FBLN7: variants seen among roughly 807,000 people sequenced by gnomAD.
FBLN7 encodes fibulin 7.
A neutral mutation model predicts 44.0 loss-of-function variants in FBLN7; 31 were observed. That is an observed-to-expected ratio of 0.70 (90% confidence interval 0.53 to 0.95). The LOEUF (loss-of-function observed/expected upper bound fraction) is 0.95. FBLN7 is among the 40% of genes least tolerant of loss of function. FBLN7 has a pLI of 0.00. For missense variants in FBLN7, 573 were observed against 618.5 expected (o/e 0.93, Z 0.78); for synonymous variants, 262 against 253.4 (o/e 1.03, Z -0.32).
chr2:112,233,504 C>T, the FBLN7 span: 1 of 639,192 alleles, frequency 1.6e-6, no homozygotes, highest in Non-Finnish European at 2.8e-6. Flanking sequence ...CACATTCTAA[C>T]TGTTAATAAA....
chr2:112,219,478 C>T, the FBLN7 span, among the ~76,000 whole-genome samples: 1 of 152,146 alleles, frequency 6.6e-6, no homozygotes, highest in Non-Finnish European at 1.5e-5. Context: ...CTATAAAGCT[C>T]ATAGAGGAAA....
intron 6 of FBLN7, among the ~76,000 whole-genome samples, chr2:112,183,353 C>T (rs1362508745): frequency 6.6e-6 from 1 of 152,176 alleles, no homozygotes; most frequent in East Asian, 1.9e-4. Flanking sequence ...CAGCACCTTA[C>T]AGGCACTTAT....
intron 1 of FBLN7, among the ~76,000 whole-genome samples, chr2:112,156,594 C>T (rs1395340660): frequency 6.6e-6 from 1 of 152,160 alleles, no homozygotes; most frequent in Admixed American, 6.5e-5. Context: ...CGGTGCTGGG[C>T]AGGTACGGGG....
chr2:112,192,363 C>T (rs1228568086), downstream of FBLN7, among the ~76,000 whole-genome samples: 1 of 152,168 alleles, frequency 6.6e-6, no homozygotes, highest in Non-Finnish European at 1.5e-5. Flanking sequence ...ATCTGCCCCA[C>T]CCACCAAACC....
chr2:112,144,020 T>C (rs1045785428), intron 1 of FBLN7, among the ~76,000 whole-genome samples: 1 of 152,248 alleles, frequency 6.6e-6, no homozygotes, highest in Non-Finnish European at 1.5e-5. Flanking sequence ...TCACAAAATA[T>C]CTTTTATTAT....
chr2:112,196,238 C>G, the FBLN7 span, among the ~76,000 whole-genome samples: 21 of 152,112 alleles, frequency 1.4e-4, no homozygotes, highest in African/African-American at 5.1e-4. Flanking sequence ...TGACTCAGGG[C>G]AGAAAGGGAG....
At chr2:112,220,934 A>G in the FBLN7 span, among the ~76,000 whole-genome samples, 1 of 152,176 alleles carries the variant, frequency 6.6e-6, no homozygotes, top group Non-Finnish European at 1.5e-5. Flanking sequence ...ATCCGTCATG[A>G]GGATGATCTT....
intron 1 of FBLN7, among the ~76,000 whole-genome samples, chr2:112,155,817 T>C (rs1681385213): frequency 6.6e-6 from 1 of 152,158 alleles, no homozygotes; most frequent in South Asian, 2.1e-4. Context: ...AGCGGCCAAG[T>C]AGAAGACAAG....
intron 1 of FBLN7, among the ~76,000 whole-genome samples, chr2:112,149,712 A>C (rs1174175098): frequency 6.6e-6 from 1 of 152,222 alleles, no homozygotes; most frequent in Non-Finnish European, 1.5e-5. Flanking sequence ...AACTGCCTGA[A>C]ACCTAAAATA....
At chr2:112,203,357 C>T in the FBLN7 span, among the ~76,000 whole-genome samples, 1 of 152,174 alleles carries the variant, frequency 6.6e-6, no homozygotes, top group East Asian at 1.9e-4. Flanking sequence ...TCTGCCCAAT[C>T]AAGGGCTGTC....
At chr2:112,142,698 G>C (rs1680705694) in intron 1 of FBLN7, among the ~76,000 whole-genome samples, 1 of 152,152 alleles carries the variant, frequency 6.6e-6, no homozygotes, top group Non-Finnish European at 1.5e-5. Flanking sequence ...GTTCCCGTTT[G>C]CTGGCAAATG....
the FBLN7 span, chr2:112,236,490 G>A: frequency 5.4e-5 from 84 of 1,565,786 alleles, no homozygotes; most frequent in Non-Finnish European, 6.7e-5. Context: ...AGCACTTCTT[G>A]TCACTGAAGT....
At chr2:112,199,105 A>G in the FBLN7 span, among the ~76,000 whole-genome samples, 1 of 152,282 alleles carries the variant, frequency 6.6e-6, no homozygotes, top group South Asian at 2.1e-4. Flanking sequence ...AAGGGAAAAA[A>G]TTATAATCAA....
the FBLN7 span, among the ~76,000 whole-genome samples, chr2:112,211,221 C>A: frequency 4.2e-3 from 633 of 152,262 alleles, 4 homozygotes; most frequent in African/African-American, 0.015. Flanking sequence ...GATAATCTGC[C>A]CCACATTTTT....
intron 1 of FBLN7, among the ~76,000 whole-genome samples, chr2:112,156,222 A>G (rs112504043): frequency 1.1e-4 from 17 of 152,106 alleles, no homozygotes; most frequent in African/African-American, 3.9e-4. Context: ...AAGATCATTC[A>G]CCACACAGGA....
chr2:112,241,087 A>C, the FBLN7 span, among the ~76,000 whole-genome samples: 2 of 151,922 alleles, frequency 1.3e-5, no homozygotes, highest in African/African-American at 4.8e-5. Flanking sequence ...TGATAGACAA[A>C]AAGGAAGTTA....
chr2:112,141,670 G>A (rs1286159680), intron 1 of FBLN7, among the ~76,000 whole-genome samples: 1 of 152,236 alleles, frequency 6.6e-6, no homozygotes, highest in Admixed American at 6.5e-5. Context: ...CAGAAGCATA[G>A]GTGGGTACAT....
At chr2:112,236,604 T>C in the FBLN7 span, 11 of 1,613,926 alleles carry the variant, frequency 6.8e-6, no homozygotes, top group East Asian at 2.2e-4. Context: ...CATTTGATCC[T>C]TTGTTTCCAG....
At chr2:112,160,788 ACACG>A (rs1272725249) in intron 2 of FBLN7, among the ~76,000 whole-genome samples, 3 of 140,900 alleles carry the variant, frequency 2.1e-5, no homozygotes, top group Admixed American at 6.9e-5. Flanking sequence ...ACACGCACGC[ACACG>A]CACACACGCA....
Sources: allele counts gnomAD v4.1 joint callset (sites outside exome capture counted in the v4.1 genomes callset), GRCh38; gene constraint gnomAD v4.1.1; transcripts MANE v1.5; gene names NCBI Gene and HGNC (gene_info 2026-07-23, HGNC 2026-07-21).